The following USP6NL variants were observed in gnomAD, a reference collection of about 807,000 sequenced individuals.
The protein encoded by USP6NL is USP6 N-terminal like, also known as USP6 N-terminal-like protein.
In USP6NL, 26 loss-of-function variants were observed where a neutral mutation model predicts 61.9. The observed-to-expected ratio is 0.42, with a 90% CI of 0.31 to 0.58. The LOEUF is 0.58. Among genes scored for constraint, USP6NL ranks in the 20% least tolerant of loss-of-function variants. The pLI is 0.16. For missense variants in USP6NL, 1,114 were observed against 1,034.3 expected (o/e 1.08, Z -1.06); for synonymous variants, 432 against 390.1 (o/e 1.11, Z -1.27).
rs185244758 is a variant in USP6NL at position 11,488,172 on chromosome 10, G to A, written c.664+930C>T. 2.8e-4 allele frequency among the ~76,000 whole-genome samples: 42 copies of A among 152,272 alleles called. 1 individual carries two copies. In the East Asian group the frequency reaches 5.2e-3, roughly 19 times the overall value. On this transcript the variant is annotated intron_variant, in intron 10 of 14. Transcript: ENST00000609104. Reference sequence around the variant, plus strand: ...CACACCTGTAATCCCAGTATTTTGGGAGGCTGAGGCGGGAGGTTCACTTGA... The same window carrying A: ...CACACCTGTAATCCCAGTATTTTGGAAGGCTGAGGCGGGAGGTTCACTTGA...
chr10:11,544,016 T>G (rs1836174678), intron 2 of USP6NL, among the ~76,000 whole-genome samples: 1 of 151,998 alleles, frequency 6.6e-6, no homozygotes, highest in South Asian at 2.1e-4. Flanking sequence ...TTTCACCGTG[T>G]TAGCCAGGGT....
At chr10:11,605,735 G>T (rs748703934) in intron 1 of USP6NL, among the ~76,000 whole-genome samples, 1 of 152,014 alleles carries the variant, frequency 6.6e-6, no homozygotes, top group Non-Finnish European at 1.5e-5. Context: ...AAAACCCAGG[G>T]AATACAGATT....
chr10:11,517,272 G>A (rs1175720976), intron 5 of USP6NL, among the ~76,000 whole-genome samples: 2 of 152,114 alleles, frequency 1.3e-5, no homozygotes, highest in African/African-American at 4.8e-5. Flanking sequence ...CCCATTCAAG[G>A]TGGACTGCCA....
At chr10:11,486,787 A>C (rs912120737) in intron 10 of USP6NL, among the ~76,000 whole-genome samples, 3 of 152,212 alleles carry the variant, frequency 2.0e-5, no homozygotes, top group Non-Finnish European at 4.4e-5. Flanking sequence ...AGACTTAATG[A>C]AACTTGTTTT....
At chr10:11,493,367 T>C (rs1364275725) in intron 7 of USP6NL, 139 bp from the exon 8 acceptor site, 4 of 667,240 alleles carry the variant, frequency 6.0e-6, no homozygotes, top group South Asian at 2.0e-5. Flanking sequence ...AAACTATATA[T>C]ACAAAAAGGT....
At chr10:11,475,438 A>T (rs1036114129) in intron 14 of USP6NL, among the ~76,000 whole-genome samples, 4 of 151,910 alleles carry the variant, frequency 2.6e-5, no homozygotes, top group Non-Finnish European at 5.9e-5. Context: ...ACTAAAAAAA[A>T]TTACAAAATT....
rs1424625295 is a variant in USP6NL at position 11,468,263 on chromosome 10, A to G, written c.1079-4414T>C. ...TTTTTCTTATCGCTGCCCTTCAAAC[A>G]CCTGCTTGGCTCCACATCCTTTCCC... On this transcript the variant is annotated intron_variant, in intron 14 of 14. Transcript: ENST00000609104. This position sits in a 1 kb window ranked among gnomAD's most constrained non-coding sequence, Gnocchi z 4.5. Among the ~76,000 whole-genome samples the G allele has an allele frequency of 6.6e-6, 1 of 152,204 alleles. No individual in the cohort carries two copies. Among genetic ancestry groups the G allele is most frequent in the Non-Finnish European group, 1.5e-5 (1 of 68,036 alleles).
Position 11,463,518 on chromosome 10 carries a change from G to C in USP6NL, c.1410C>G (p.Asn470Lys), listed in dbSNP as rs1169039619. ...TATTTGAAGTGGCGTTGCTATTTTG[G>C]TTGGCAGCTGCGTGATTATATTGCC... ...SSRQYNHAAA[N>K]QNSNATSNIR... The change falls in exon 15 of 15, where the codon AAC (asparagine) becomes AAG (lysine). Residue 470 changes from asparagine (N) to lysine (K), a missense_variant. Asn to Lys is a moderately conservative substitution (Grantham distance 94, BLOSUM62 0). Coordinates refer to ENST00000609104, the MANE Select transcript of USP6NL (RefSeq NM_014688.5). The surrounding 1 kb of genome is among the most constrained non-coding windows in gnomAD (Gnocchi z 6.3). 1.2e-6 allele frequency: 2 copies of C among 1,614,042 alleles called. No individual in the cohort carries two copies. Among genetic ancestry groups the C allele is most frequent in the Non-Finnish European group, 1.7e-6 (2 of 1,179,894 alleles).
intron 2 of USP6NL, among the ~76,000 whole-genome samples, chr10:11,534,195 T>C (rs1007151000): frequency 1.3e-5 from 2 of 152,250 alleles, no homozygotes; most frequent in Non-Finnish European, 2.9e-5. Flanking sequence ...TTAGTGATTT[T>C]CCATCACTGA....
At chr10:11,582,285 G>C (rs1031105204) in intron 2 of USP6NL, among the ~76,000 whole-genome samples, 6 of 152,142 alleles carry the variant, frequency 3.9e-5, no homozygotes, top group Non-Finnish European at 5.9e-5. Context: ...ATTTTTAGTA[G>C]AGACAGGGTT....
chr10:11,534,355 T>C (rs1312615349), intron 2 of USP6NL, among the ~76,000 whole-genome samples: 2 of 152,222 alleles, frequency 1.3e-5, no homozygotes, highest in Non-Finnish European at 2.9e-5. Context: ...AGGGTCAGAA[T>C]AATTCTTTTA....
rs772085166 is a variant in USP6NL, at chr10:11,597,594, C to T, written c.4+37G>A. ...CCTAAGCACAATACAGCAAACGCTC[C>T]TGAGATGGCTGGAAGGAAAGGAAGC... On this transcript the variant is annotated intron_variant, in intron 2 of 14. Transcript: ENST00000609104. This position sits in a 1 kb window ranked among gnomAD's most constrained non-coding sequence, Gnocchi z 4.6. The T allele has an allele frequency of 5.8e-6, 9 of 1,548,780 alleles. No individual in the cohort carries two copies.
chr10:11,572,643 A>T (rs562467954), intron 2 of USP6NL, among the ~76,000 whole-genome samples: 1 of 152,254 alleles, frequency 6.6e-6, no homozygotes, highest in South Asian at 2.1e-4. Flanking sequence ...AACACAGATT[A>T]TATCACATTA....
intron 13 of USP6NL, among the ~76,000 whole-genome samples, chr10:11,483,959 T>C (rs1489470943): frequency 6.6e-6 from 1 of 152,126 alleles, no homozygotes; most frequent in Non-Finnish European, 1.5e-5. Flanking sequence ...ACTCCTGCAG[T>C]CCATGCTTTT....
Position 11,527,579 on chromosome 10 carries a change from A to G in USP6NL, c.5-12T>C. Reference sequence around the variant, plus strand: ...ATCCTGGTCTGAATCTGTGGAGAAGACATCAAATTTAGATGAATTGTCATT... The same window carrying G: ...ATCCTGGTCTGAATCTGTGGAGAAGGCATCAAATTTAGATGAATTGTCATT... On this transcript the variant is annotated splice_polypyrimidine_tract_variant and intron_variant, in intron 2 of 14. Transcript: ENST00000609104. The G allele has an allele frequency of 6.2e-7, 1 of 1,602,988 alleles. No homozygotes were observed. The highest frequency in any genetic ancestry group is 8.5e-7 in the Non-Finnish European group (1 of 1,174,252).
At chr10:11,565,576 A>C (rs1837112717) in intron 2 of USP6NL, 1 of 151,582 alleles carries the variant, frequency 6.6e-6, no homozygotes, top group Admixed American at 6.6e-5. Context: ...TAGGAGGCGG[A>C]GCTTGCAGTG....
chr10:11,475,218 A>C (rs1398242312), intron 14 of USP6NL, among the ~76,000 whole-genome samples: 1 of 151,686 alleles, frequency 6.6e-6, no homozygotes. Flanking sequence ...TACTAACTAC[A>C]TTTTAAGGTA....
At chr10:11,584,467 TG>T (rs1837898788) in intron 2 of USP6NL, among the ~76,000 whole-genome samples, 1 of 152,208 alleles carries the variant, frequency 6.6e-6, no homozygotes. Flanking sequence ...ACAACAGTGA[TG>T]GAAGACTGCC....
At chr10:11,579,676 A>G (rs1193846891) in intron 2 of USP6NL, among the ~76,000 whole-genome samples, 2 of 152,192 alleles carry the variant, frequency 1.3e-5, no homozygotes, top group African/African-American at 4.8e-5. Context: ...CACCCTATAC[A>G]TACCTAAATC....
Sources: allele counts gnomAD v4.1 joint callset (sites outside exome capture counted in the v4.1 genomes callset), GRCh38; gene constraint gnomAD v4.1.1; non-coding constraint Gnocchi (gnomAD v3.1); transcripts MANE v1.5; gene names NCBI Gene and HGNC (gene_info 2026-07-23, HGNC 2026-07-21).